Variants in KCNQ1 observed in about 807,000 individuals in gnomAD.
The protein encoded by KCNQ1 is potassium voltage-gated channel subfamily KQT member 1.
KCNQ1 carries 49 observed loss-of-function variants against 72.4 expected under a neutral mutation model. The ratio of observed to expected loss-of-function variants is 0.68; its 90% CI spans 0.54 to 0.86. The LOEUF (loss-of-function observed/expected upper bound fraction) is 0.86. Ranked by LOEUF, KCNQ1 falls within the 40% of genes least tolerant of loss-of-function variation. KCNQ1 has a pLI of 0.00. For synonymous variants in KCNQ1, 450 were observed against 412.6 expected, an observed-to-expected ratio of 1.09 and a Z score of -1.10; for missense variants, 790 against 945.1, an observed-to-expected ratio of 0.84 and a Z score of 2.15.
chr11:2,571,919 G>A, intron 4 of KCNQ1, 94 bp from the exon 5 acceptor site: 1 of 1,026,942 alleles, frequency 9.7e-7, no homozygotes, highest in Non-Finnish European at 1.5e-6. Flanking sequence ...GAGGGGCAGG[G>A]GCAGGGACAC....
At chr11:2,778,134 G>C (rs1487636387) in intron 15 of KCNQ1, 97 bp downstream of exon 15, 1 of 1,214,948 alleles carries the variant, frequency 8.2e-7, no homozygotes, top group Non-Finnish European at 1.2e-6. Flanking sequence ...GCTCCTGCAG[G>C]CCTCCCCACC....
intron 10 of KCNQ1, chr11:2,640,729 T>C (rs559841915): frequency 5.0e-6 from 2 of 398,578 alleles, no homozygotes; most frequent in South Asian, 2.5e-4. Context: ...ATATACATTA[T>C]ATTGTTAAAT....
chr11:2,649,446 A>C, intron 10 of KCNQ1: 1 of 398,444 alleles, frequency 2.5e-6, no homozygotes, highest in Non-Finnish European at 4.4e-6. Context: ...GTACTCCCTT[A>C]AGCATTTCTT....
rs1845914255 is a variant in KCNQ1 at position 2,734,209 on chromosome 11, C to T, written c.1515-34635C>T. Among the ~76,000 whole-genome samples, 1 of 152,198 alleles carries T rather than the reference C, an allele frequency of 6.6e-6. No individual in the cohort carries two copies. Among genetic ancestry groups the T allele is most frequent in the Non-Finnish European group, 1.5e-5 (1 of 68,036 alleles). On this transcript the variant is annotated intron_variant, in intron 11 of 15. Coordinates refer to ENST00000155840, the MANE Select transcript of KCNQ1 (RefSeq NM_000218.3). The surrounding 1 kb of genome is among the most constrained non-coding windows in gnomAD (Gnocchi z 7.0). The stretch of plus-strand genomic sequence containing the variant: ...CCAAAGAATAAACGAATGAACCATC[C>T]AAAGCACAGGCCAGAGGCAGATTGG...
In KCNQ1 at chr11:2,664,771, A is replaced by C. The variant is rs973947884; in HGVS notation, c.1514+2690A>C. On this transcript the variant is annotated intron_variant, in intron 11 of 15. Transcript: ENST00000155840. The surrounding 1 kb of genome is among the most constrained non-coding windows in gnomAD (Gnocchi z 5.1). Reference sequence around the variant, plus strand: ...TGTGCTGGGGTCTCACAGGGGGCAGAGTGGGTGGGAGGCAGTTACCAAAAA... The same window carrying C: ...TGTGCTGGGGTCTCACAGGGGGCAGCGTGGGTGGGAGGCAGTTACCAAAAA... 14 of 398,606 alleles carry C rather than the reference A, an allele frequency of 3.5e-5. No individual in the cohort carries two copies. The Admixed American group carries it at 6.2e-4, about 18-fold the overall frequency. The allele number at this position is 398,606 out of a possible 1,614,324, so 24.7% of individuals were successfully genotyped here.
At chr11:2,838,737 C>T (rs1848138555) in intron 15 of KCNQ1, among the ~76,000 whole-genome samples, 1 of 152,110 alleles carries the variant, frequency 6.6e-6, no homozygotes, top group Non-Finnish European at 1.5e-5. Context: ...TGCCCACCTG[C>T]CCCCGTGGCC....
rs1003954145 is a variant in KCNQ1 at position 2,562,788 on chromosome 11, G to T, written c.478-7840G>T. Among the ~76,000 whole-genome samples the T allele has an allele frequency of 2.0e-5, 3 of 152,178 alleles. No individual in the cohort carries two copies. Among genetic ancestry groups the T allele is most frequent in the Non-Finnish European group, 2.9e-5 (2 of 68,042 alleles). ...TATGGGGGCGCCAGGGAGGCCGGCT[G>T]TGTTTCTGCATCCTTGACCCTGGCC... On this transcript the variant is annotated intron_variant, in intron 2 of 15. Coordinates refer to ENST00000155840, the MANE Select transcript of KCNQ1 (RefSeq NM_000218.3). The surrounding 1 kb of genome is among the most constrained non-coding windows in gnomAD (Gnocchi z 7.5).
At chr11:2,780,097 G>A (rs926828826) in intron 15 of KCNQ1, among the ~76,000 whole-genome samples, 3 of 152,174 alleles carry the variant, frequency 2.0e-5, no homozygotes, top group African/African-American at 7.2e-5. Flanking sequence ...GGTGGTGAGT[G>A]GCACCCACAG....
chr11:2,614,041 G>A (rs1849021454), intron 10 of KCNQ1: 1 of 398,566 alleles, frequency 2.5e-6, no homozygotes, highest in Non-Finnish European at 4.4e-6. Context: ...GTGTGACTGT[G>A]CTATAACCTT....
At chr11:2,655,366 G>A (rs1337800748) in intron 10 of KCNQ1, 6 of 398,560 alleles carry the variant, frequency 1.5e-5, no homozygotes, top group Middle Eastern at 6.2e-4. Flanking sequence ...AACCAGGACT[G>A]TCTTAGGAAA....
Position 2,563,231 on chromosome 11 carries a change from A to G in KCNQ1, c.478-7397A>G, listed in dbSNP as rs1848199660. 6.6e-6 allele frequency among the ~76,000 whole-genome samples: 1 copy of G among 152,192 alleles called. No homozygotes were observed. Among genetic ancestry groups the G allele is most frequent in the African/African-American group, 2.4e-5 (1 of 41,436 alleles). ...GGAGATTCGCCGGCTGATAAAAGCAAAACAATAGATAAGATGGCCAGGTCG... is the reference window on the plus strand; with the variant it reads ...GGAGATTCGCCGGCTGATAAAAGCAGAACAATAGATAAGATGGCCAGGTCG... On this transcript the variant is annotated intron_variant, in intron 2 of 15. Coordinates refer to ENST00000155840, the MANE Select transcript of KCNQ1 (RefSeq NM_000218.3). This position sits in a 1 kb window ranked among gnomAD's most constrained non-coding sequence, Gnocchi z 7.4.
At chr11:2,696,200 G>T (rs1019082188) in intron 11 of KCNQ1, 1 of 398,560 alleles carries the variant, frequency 2.5e-6, no homozygotes, top group Non-Finnish European at 4.4e-6. Flanking sequence ...CCCTGGCCCT[G>T]GAGATTATTC....
At chr11:2,523,126 G>A (rs1017420851) in intron 1 of KCNQ1, among the ~76,000 whole-genome samples, 3 of 152,176 alleles carry the variant, frequency 2.0e-5, no homozygotes, top group Admixed American at 6.5e-5. Context: ...CCTCACCTGC[G>A]GCCTGTGAGT....
At chr11:2,839,711 C>T (rs1238987192) in intron 15 of KCNQ1, 1 of 152,210 alleles carries the variant, frequency 6.6e-6, no homozygotes, top group Non-Finnish European at 1.5e-5. Flanking sequence ...TTGTTGTTTG[C>T]TCAGAGTACA....
intron 11 of KCNQ1, chr11:2,688,326 C>T (rs1850527490): frequency 2.5e-6 from 1 of 398,824 alleles, no homozygotes; most frequent in East Asian, 3.6e-5. Flanking sequence ...GTCACACACA[C>T]AGCTTCCATG....
In KCNQ1 at chr11:2,658,098, G is replaced by GC. The variant is rs1849884036; in HGVS notation, c.1394-3862dup. The GC allele has an allele frequency of 2.5e-6, 1 of 398,404 alleles. No individual in the cohort carries two copies. Among genetic ancestry groups the GC allele is most frequent in the African/African-American group, 2.1e-5 (1 of 48,590 alleles). The allele number at this position is 398,404 out of a possible 1,614,324, so 24.7% of individuals were successfully genotyped here. A position where few individuals can be genotyped will look rare whatever the true frequency, so the allele number is the denominator to read the frequency against. ...AGGGAGGGGTTCAACTCTACCTCCT[G>GC]CAGGAGAGTATCAAAAAAAATCTGC... On this transcript the variant is annotated intron_variant, in intron 10 of 15. Coordinates refer to ENST00000155840, the MANE Select transcript of KCNQ1 (RefSeq NM_000218.3). This position sits in a 1 kb window ranked among gnomAD's most constrained non-coding sequence, Gnocchi z 4.9.
At chr11:2,751,371 G>T (rs1194600834) in intron 11 of KCNQ1, among the ~76,000 whole-genome samples, 1 of 152,228 alleles carries the variant, frequency 6.6e-6, no homozygotes, top group Non-Finnish European at 1.5e-5. Context: ...TTAGGAGCGG[G>T]TGGGCTCCCG....
chr11:2,810,532 A>C (rs1184824400), intron 15 of KCNQ1, among the ~76,000 whole-genome samples: 3 of 152,202 alleles, frequency 2.0e-5, no homozygotes, highest in African/African-American at 7.2e-5. Context: ...AATATCCCAG[A>C]GCACACGCTT....
chr11:2,523,588 C>T (rs1347723081), intron 1 of KCNQ1, among the ~76,000 whole-genome samples: 6 of 152,128 alleles, frequency 3.9e-5, no homozygotes, highest in South Asian at 2.1e-4. Context: ...ATCGAAAAGC[C>T]GTGATGGCAG....
Sources: allele counts gnomAD v4.1 joint callset (sites outside exome capture counted in the v4.1 genomes callset), GRCh38; gene constraint gnomAD v4.1.1; non-coding constraint Gnocchi (gnomAD v3.1); transcripts MANE v1.5; gene names NCBI Gene and HGNC (gene_info 2026-07-23, HGNC 2026-07-21).